PDE1C: variants seen among roughly 807,000 people sequenced by gnomAD.
PDE1C encodes the protein dual specificity calcium/calmodulin-dependent 3',5'-cyclic nucleotide phosphodiesterase 1C.
PDE1C carries 62 observed loss-of-function variants against 93.1 expected under a neutral mutation model. The ratio of observed to expected loss-of-function variants is 0.67; its 90% CI spans 0.54 to 0.82. The LOEUF is 0.82. Among genes scored for constraint, PDE1C ranks in the 40% least tolerant of loss-of-function variants. The pLI, the probability that PDE1C is intolerant of heterozygous loss-of-function variation, is 0.00. For missense variants in PDE1C, 742 were observed against 884.6 expected (o/e 0.84, Z 2.04); for synonymous variants, 325 against 310.1 (o/e 1.05, Z -0.50).
intron 1 of PDE1C, among the ~76,000 whole-genome samples, chr7:32,356,931 A>C (rs988690527): frequency 6.6e-6 from 1 of 152,096 alleles, no homozygotes; most frequent in African/African-American, 2.4e-5. Flanking sequence ...AGACTCCTCG[A>C]GGGGACATGC....
At chr7:31,953,829 G>C (rs1174248424) in intron 2 of PDE1C, among the ~76,000 whole-genome samples, 1 of 152,100 alleles carries the variant, frequency 6.6e-6, no homozygotes, top group African/African-American at 2.4e-5. Context: ...GTCTTGTCCT[G>C]AGTTAGTAAA....
intron 16 of PDE1C, among the ~76,000 whole-genome samples, chr7:31,777,792 A>T (rs1474244105): frequency 6.6e-6 from 1 of 152,134 alleles, no homozygotes; most frequent in African/African-American, 2.4e-5. Flanking sequence ...GCTCAGACCT[A>T]CAAAAACTGT....
chr7:32,113,236 A>T (rs371359712), intron 3 of PDE1C, among the ~76,000 whole-genome samples: 1 of 94,012 alleles, frequency 1.1e-5, no homozygotes, highest in African/African-American at 4.6e-5. Flanking sequence ...ATTGTCCTTA[A>T]ATATATATAT....
At chr7:32,007,998 A>G (rs967743857) in intron 2 of PDE1C, among the ~76,000 whole-genome samples, 2 of 152,218 alleles carry the variant, frequency 1.3e-5, no homozygotes, top group Non-Finnish European at 2.9e-5. Context: ...AAAAATGTTT[A>G]TCTACAAACA....
At chr7:31,962,528 G>C (rs1809153450) in intron 2 of PDE1C, among the ~76,000 whole-genome samples, 1 of 152,174 alleles carries the variant, frequency 6.6e-6, no homozygotes, top group Non-Finnish European at 1.5e-5. Context: ...GGCAGGAGGG[G>C]TCAGAGAAAG....
At chr7:31,906,588 G>T (rs1477866013) in intron 2 of PDE1C, among the ~76,000 whole-genome samples, 2 of 152,160 alleles carry the variant, frequency 1.3e-5, no homozygotes, top group Non-Finnish European at 2.9e-5. Context: ...GTCAATGGCA[G>T]GTGTTATATA....
At chr7:32,076,002 T>C (rs1418317790), upstream of PDE1C, among the ~76,000 whole-genome samples, 1 of 152,110 alleles carries the variant, frequency 6.6e-6, no homozygotes, top group Non-Finnish European at 1.5e-5. Flanking sequence ...TACCCTAATG[T>C]TCCATCAACA....
At chr7:32,295,125 A>T (rs1812550072) in intron 1 of PDE1C, among the ~76,000 whole-genome samples, 1 of 152,200 alleles carries the variant, frequency 6.6e-6, no homozygotes, top group Non-Finnish European at 1.5e-5. Flanking sequence ...CTTCTACCTG[A>T]TCTTCCTCCA....
intron 2 of PDE1C, among the ~76,000 whole-genome samples, chr7:31,931,417 A>C (rs1313381037): frequency 2.0e-5 from 3 of 152,224 alleles, no homozygotes; most frequent in Non-Finnish European, 4.4e-5. Context: ...AATGTGCAAA[A>C]ATCATAAGCA....
the PDE1C span, among the ~76,000 whole-genome samples, chr7:31,706,640 T>C: frequency 5.3e-5 from 8 of 152,308 alleles, no homozygotes; most frequent in East Asian, 1.9e-4. Context: ...TGTAGTAAAA[T>C]GCTTTTAAGT....
At chr7:32,070,089 G>T (rs1298859657) in intron 1 of PDE1C, among the ~76,000 whole-genome samples, 3 of 152,170 alleles carry the variant, frequency 2.0e-5, no homozygotes, top group African/African-American at 7.2e-5. Flanking sequence ...GAACAGCAAG[G>T]CATTCTAAGA....
intron 2 of PDE1C, among the ~76,000 whole-genome samples, chr7:32,205,137 C>T (rs558784911): frequency 6.6e-6 from 1 of 152,322 alleles, no homozygotes; most frequent in South Asian, 2.1e-4. Flanking sequence ...CAATATCCAC[C>T]TCTGCTGCCC....
intron 7 of PDE1C, among the ~76,000 whole-genome samples, chr7:31,856,095 T>G (rs1176329820): frequency 6.6e-6 from 1 of 152,228 alleles, no homozygotes. Flanking sequence ...ATTTACAAAG[T>G]ATCACTGTTG....
intron 2 of PDE1C, among the ~76,000 whole-genome samples, chr7:31,967,848 A>G (rs1563117016): frequency 6.6e-6 from 1 of 152,238 alleles, no homozygotes; most frequent in Non-Finnish European, 1.5e-5. Context: ...ATAGAACCAA[A>G]GACAAAAACC....
chr7:31,839,119 A>G (rs1049154403), intron 9 of PDE1C, among the ~76,000 whole-genome samples: 2 of 148,738 alleles, frequency 1.3e-5, no homozygotes, highest in African/African-American at 4.9e-5. Flanking sequence ...ATTATATATT[A>G]AATATGTGTG....
intron 1 of PDE1C, among the ~76,000 whole-genome samples, chr7:32,323,176 T>A (rs1317800673): frequency 2.0e-5 from 3 of 152,198 alleles, no homozygotes; most frequent in Non-Finnish European, 4.4e-5. Context: ...GAATAACTTT[T>A]CCTGGGTTTA....
At chr7:31,798,475 A>AT (rs1219697207) in intron 16 of PDE1C, among the ~76,000 whole-genome samples, 1 of 151,740 alleles carries the variant, frequency 6.6e-6, no homozygotes, top group East Asian at 1.9e-4. Flanking sequence ...AAAAAGTCCT[A>AT]TGTCAAGAAT....
chr7:32,055,715 T>A (rs564254044), intron 1 of PDE1C, among the ~76,000 whole-genome samples: 1 of 152,196 alleles, frequency 6.6e-6, no homozygotes, highest in African/African-American at 2.4e-5. Context: ...CAAAGGGAAT[T>A]TTTTTTTGCT....
chr7:31,879,738 C>A (rs998231900), intron 3 of PDE1C, among the ~76,000 whole-genome samples: 1 of 152,136 alleles, frequency 6.6e-6, no homozygotes, highest in African/African-American at 2.4e-5. Context: ...ATGATTTAAT[C>A]ATCTAATAGC....
Sources: gnomAD v4.1 joint callset for allele counts (sites outside exome capture counted in the v4.1 genomes callset) on GRCh38, gnomAD v4.1.1 for gene constraint, MANE v1.5 for transcripts, NCBI Gene and HGNC (gene_info 2026-07-23, HGNC 2026-07-21) for gene names.